The following SLC2A13 variants were observed in gnomAD, a reference collection of about 807,000 sequenced individuals.
SLC2A13 encodes the protein solute carrier family 2 member 13.
In SLC2A13, 32 loss-of-function variants were observed where a neutral mutation model predicts 64.4. That is an observed-to-expected ratio of 0.50 (90% CI 0.37 to 0.67). SLC2A13 has a LOEUF of 0.67. Among genes scored for constraint, SLC2A13 ranks in the 30% least tolerant of loss-of-function variants. The pLI is 0.00. For missense variants in SLC2A13, 743 were observed against 829.2 expected (o/e 0.90, Z 1.28); for synonymous variants, 338 against 327.1 (o/e 1.03, Z -0.36).
intron 3 of SLC2A13, among the ~76,000 whole-genome samples, chr12:39,984,716 G>T (rs552122225): frequency 6.6e-6 from 1 of 152,242 alleles, no homozygotes; most frequent in African/African-American, 2.4e-5. Context: ...GTTTCTCTCA[G>T]TTAATTTTTT....
chr12:40,069,800 C>T (rs1200610672), intron 1 of SLC2A13, among the ~76,000 whole-genome samples: 1 of 152,122 alleles, frequency 6.6e-6, no homozygotes, highest in Non-Finnish European at 1.5e-5. Flanking sequence ...TTCCACATTA[C>T]TTACTTGCTA....
At chr12:39,844,537 A>G (rs1443436645) in intron 6 of SLC2A13, among the ~76,000 whole-genome samples, 2 of 152,098 alleles carry the variant, frequency 1.3e-5, no homozygotes, top group South Asian at 2.1e-4. Flanking sequence ...TGTTCTTTTT[A>G]GAAAAGAAAG....
intron 1 of SLC2A13, among the ~76,000 whole-genome samples, chr12:40,059,965 C>T (rs931277500): frequency 6.6e-6 from 1 of 152,064 alleles, no homozygotes; most frequent in Non-Finnish European, 1.5e-5. Context: ...GATTCTGTTT[C>T]CTGATCCTAC....
rs1472503949 is a variant in SLC2A13, at chr12:39,761,829, C to G, written c.1721-1577G>C. ...GGCTTCTAAACTACAAAATCTGTAA[C>G]AGCAAACCCAGTTTGACTTTTAAAT... On this transcript the variant is annotated intron_variant, in intron 9 of 9. Coordinates refer to ENST00000280871, the MANE Select transcript of SLC2A13 (RefSeq NM_052885.4). Among the ~76,000 whole-genome samples the G allele has an allele frequency of 2.6e-5, 4 of 152,196 alleles. 1 individual carries two copies. The highest frequency in any genetic ancestry group is 2.6e-4 in the Admixed American group (4 of 15,270).
chr12:40,091,447 T>A (rs969558229), intron 1 of SLC2A13, among the ~76,000 whole-genome samples: 10 of 152,170 alleles, frequency 6.6e-5, no homozygotes, highest in Non-Finnish European at 1.3e-4. Flanking sequence ...ATTGCTAGAC[T>A]TTTTTGCTGT....
chr12:39,972,528 A>G (rs1271379778), intron 3 of SLC2A13, among the ~76,000 whole-genome samples: 1 of 151,986 alleles, frequency 6.6e-6, no homozygotes, highest in African/African-American at 2.4e-5. Context: ...GAAAAGATCA[A>G]CCTCTCTATG....
At chr12:39,783,387 G>A (rs575418375) in intron 7 of SLC2A13, among the ~76,000 whole-genome samples, 1 of 152,304 alleles carries the variant, frequency 6.6e-6, no homozygotes, top group South Asian at 2.1e-4. Context: ...TATATACCCA[G>A]CAATGGGATG....
At chr12:39,822,448 C>T (rs1190931045) in intron 7 of SLC2A13, among the ~76,000 whole-genome samples, 1 of 152,132 alleles carries the variant, frequency 6.6e-6, no homozygotes, top group East Asian at 1.9e-4. Context: ...CTGATCTAAA[C>T]TCATATTTAC....
chr12:39,976,058 C>G (rs561456084), intron 3 of SLC2A13, among the ~76,000 whole-genome samples: 2 of 152,228 alleles, frequency 1.3e-5, no homozygotes, highest in Non-Finnish European at 2.9e-5. Context: ...CACATGGTGT[C>G]AGCTCTGCTC....
intron 7 of SLC2A13, chr12:39,829,385 A>T (rs1230169808): frequency 1.8e-5 from 2 of 113,416 alleles, no homozygotes; most frequent in Non-Finnish European, 3.5e-5. Flanking sequence ...GTAATGTGAT[A>T]GTAATTCTTT....
chr12:39,895,514 TTATATATATATATATATATATA>T (rs777418112), intron 4 of SLC2A13, among the ~76,000 whole-genome samples: 2 of 56,664 alleles, frequency 3.5e-5, no homozygotes, highest in African/African-American at 1.5e-4. Flanking sequence ...AAAAAAAAAA[TTATATATATATATATATATATA>T]TATATATATA....
chr12:39,801,932 G>A (rs901500628), intron 7 of SLC2A13, among the ~76,000 whole-genome samples: 1 of 152,162 alleles, frequency 6.6e-6, no homozygotes, highest in Non-Finnish European at 1.5e-5. Context: ...TGCTGCAGCA[G>A]CAAACAACAC....
intron 3 of SLC2A13, among the ~76,000 whole-genome samples, chr12:40,020,620 G>A (rs1947698231): frequency 6.6e-6 from 1 of 151,982 alleles, no homozygotes; most frequent in Non-Finnish European, 1.5e-5. Flanking sequence ...CCATGGAATT[G>A]TCTTGTTAAA....
intron 2 of SLC2A13, among the ~76,000 whole-genome samples, chr12:40,033,003 A>G (rs1009973632): frequency 2.6e-5 from 4 of 152,372 alleles, no homozygotes; most frequent in African/African-American, 9.6e-5. Flanking sequence ...TAGCAATAGT[A>G]ACAGCTAATG....
At chr12:40,103,277 C>T (rs1274512908) in intron 1 of SLC2A13, among the ~76,000 whole-genome samples, 2 of 152,190 alleles carry the variant, frequency 1.3e-5, no homozygotes, top group Admixed American at 6.5e-5. Context: ...TTGCTTAGAA[C>T]GTCCTTTCCT....
intron 1 of SLC2A13, among the ~76,000 whole-genome samples, chr12:40,080,347 T>C (rs1296000345): frequency 2.0e-5 from 3 of 152,162 alleles, no homozygotes; most frequent in East Asian, 3.8e-4. Flanking sequence ...ATGCAACTCG[T>C]CACACTCTGC....
intron 4 of SLC2A13, among the ~76,000 whole-genome samples, chr12:39,877,946 C>T (rs1944233756): frequency 6.6e-6 from 1 of 152,152 alleles, no homozygotes; most frequent in African/African-American, 2.4e-5. Flanking sequence ...GGTGCTAAAT[C>T]ATGAGATTTG....
intron 3 of SLC2A13, among the ~76,000 whole-genome samples, chr12:39,984,517 G>A (rs1946992726): frequency 6.6e-6 from 1 of 151,936 alleles, no homozygotes; most frequent in Admixed American, 6.6e-5. Flanking sequence ...ACAATATTGT[G>A]TAATATACAA....
At chr12:39,811,150 A>G (rs574458316) in intron 7 of SLC2A13, among the ~76,000 whole-genome samples, 3 of 152,008 alleles carry the variant, frequency 2.0e-5, no homozygotes, top group Non-Finnish European at 4.4e-5. Flanking sequence ...TTCTCCATTT[A>G]TTAGAAGTGC....
Sources: allele counts gnomAD v4.1 joint callset (sites outside exome capture counted in the v4.1 genomes callset), GRCh38; gene constraint gnomAD v4.1.1; transcripts MANE v1.5; gene names NCBI Gene and HGNC (gene_info 2026-07-23, HGNC 2026-07-21).